The following NRG1 variants were observed in gnomAD, a reference collection of about 807,000 sequenced individuals.
NRG1 encodes the protein neuregulin 1, also known as pro-neuregulin-1, membrane-bound isoform.
In NRG1, 18 loss-of-function variants were observed where a neutral mutation model predicts 63.8. The ratio of observed to expected loss-of-function variants is 0.28; its 90% CI spans 0.19 to 0.42. The LOEUF is 0.42. Among genes scored for constraint, NRG1 ranks in the 10% least tolerant of loss-of-function variants. The pLI, the probability that NRG1 is intolerant of heterozygous loss-of-function variation, is 1.00. For missense variants in NRG1, 762 were observed against 814.7 expected (o/e 0.94, Z 0.79); for synonymous variants, 302 against 301.3 (o/e 1.00, Z -0.02).
At chr8:32,763,773 G>A (rs778211430) in exon 12 of NRG1, 12 of 1,563,220 alleles carry the variant, frequency 7.7e-6, no homozygotes, top group Non-Finnish European at 1.0e-5. Flanking sequence ...GACCACCCCG[G>A]CTCGTATGTC....
At chr8:32,431,185 G>A (rs183235590) in intron 1 of NRG1, among the ~76,000 whole-genome samples, 143 of 152,256 alleles carry the variant, frequency 9.4e-4, no homozygotes, top group African/African-American at 3.4e-3. Context: ...TGATTCTAGA[G>A]CGTATGTTCT....
intron 1 of NRG1, among the ~76,000 whole-genome samples, chr8:32,306,731 G>C (rs548660315): frequency 1.3e-5 from 2 of 152,322 alleles, no homozygotes; most frequent in South Asian, 2.1e-4. Context: ...GGAGGAGAAA[G>C]GTTGCTCCGA....
At chr8:32,544,861 T>C (rs949625393), upstream of NRG1, among the ~76,000 whole-genome samples, 4 of 152,020 alleles carry the variant, frequency 2.6e-5, no homozygotes, top group African/African-American at 9.7e-5. Context: ...GGTGAATGAA[T>C]GAATCATATA....
intron 5 of NRG1, among the ~76,000 whole-genome samples, chr8:32,693,305 G>A (rs566166981): frequency 8.0e-5 from 12 of 149,212 alleles, no homozygotes; most frequent in African/African-American, 2.7e-4. Context: ...TGCAACCTCC[G>A]CCTTCTGGGT....
chr8:31,970,582 G>A (rs906137689), intron 1 of NRG1, among the ~76,000 whole-genome samples: 4 of 152,148 alleles, frequency 2.6e-5, no homozygotes, highest in African/African-American at 9.7e-5. Flanking sequence ...ACCCTGTGCA[G>A]TCAAACTCTC....
intron 11 of NRG1, chr8:32,763,246 A>C: frequency 1.2e-6 from 2 of 1,614,130 alleles, no homozygotes; most frequent in Non-Finnish European, 1.7e-6. Flanking sequence ...GCTAAGGAGA[A>C]ACAAGGCACA....
chr8:32,503,941 T>A (rs1288139225), intron 1 of NRG1, among the ~76,000 whole-genome samples: 2 of 152,120 alleles, frequency 1.3e-5, no homozygotes, highest in Non-Finnish European at 2.9e-5. Context: ...TTCCTTGGGG[T>A]GGGCTGTCCA....
chr8:32,159,540 C>CAAAAAAAAA (rs10684266), intron 1 of NRG1, among the ~76,000 whole-genome samples: 9 of 73,720 alleles, frequency 1.2e-4, no homozygotes, highest in African/African-American at 3.5e-4. Context: ...GACTCCGTCT[C>CAAAAAAAAA]AAAAAAAAAA....
At chr8:32,249,314 C>T (rs1415331823) in intron 1 of NRG1, among the ~76,000 whole-genome samples, 1 of 152,044 alleles carries the variant, frequency 6.6e-6, no homozygotes. Context: ...GACTTCCTTT[C>T]TGAATTACAG....
intron 1 of NRG1, among the ~76,000 whole-genome samples, chr8:32,000,417 C>T (rs1281607174): frequency 6.6e-6 from 1 of 151,720 alleles, no homozygotes. Context: ...CAGGCATGCA[C>T]CACCATGCCT....
chr8:32,013,988 CAT>C (rs1391021820), intron 1 of NRG1, among the ~76,000 whole-genome samples: 8 of 152,092 alleles, frequency 5.3e-5, no homozygotes, highest in African/African-American at 1.9e-4. Flanking sequence ...TTACAGCTGT[CAT>C]AATAAAATCA....
chr8:32,688,943 G>A (rs1220788330), intron 5 of NRG1, among the ~76,000 whole-genome samples: 1 of 152,062 alleles, frequency 6.6e-6, no homozygotes, highest in African/African-American at 2.4e-5. Context: ...CTAGGCTCTG[G>A]TTGGCCTCCT....
chr8:31,885,767 T>A (rs1231859860), intron 1 of NRG1, among the ~76,000 whole-genome samples: 1 of 152,134 alleles, frequency 6.6e-6, no homozygotes, highest in East Asian at 1.9e-4. Flanking sequence ...TGTGTTTTGC[T>A]GCTGAGTTGT....
chr8:32,162,576 A>G (rs1452712625), intron 1 of NRG1, among the ~76,000 whole-genome samples: 2 of 152,220 alleles, frequency 1.3e-5, no homozygotes, highest in African/African-American at 4.8e-5. Context: ...CATAGTAGAG[A>G]TGGCAAGGAA....
chr8:32,275,326 G>A (rs1047312342), intron 1 of NRG1, among the ~76,000 whole-genome samples: 1 of 152,026 alleles, frequency 6.6e-6, no homozygotes, highest in African/African-American at 2.4e-5. Flanking sequence ...CAAAATGCTT[G>A]CTCTCATGAA....
At chr8:32,647,528 G>T (rs1365058260) in intron 5 of NRG1, 7 of 985,334 alleles carry the variant, frequency 7.1e-6, no homozygotes, top group African/African-American at 1.7e-5. Context: ...GATATACTTT[G>T]ATTTTGTAGT....
At chr8:31,795,849 A>G (rs189530981) in intron 1 of NRG1, among the ~76,000 whole-genome samples, 36 of 152,316 alleles carry the variant, frequency 2.4e-4, no homozygotes, top group Middle Eastern at 3.4e-3. Flanking sequence ...AAGCAGATTT[A>G]ATGATTAAAA....
intron 5 of NRG1, among the ~76,000 whole-genome samples, chr8:32,722,862 G>T (rs1160325823): frequency 3.3e-5 from 5 of 152,148 alleles, no homozygotes; most frequent in Non-Finnish European, 7.4e-5. Context: ...TTGACAAGTA[G>T]TTTTGATAAA....
intron 1 of NRG1, among the ~76,000 whole-genome samples, chr8:32,082,806 T>A (rs1367744283): frequency 2.0e-5 from 3 of 152,146 alleles, no homozygotes; most frequent in Non-Finnish European, 4.4e-5. Context: ...AGTAGTTCTA[T>A]GTACAGTCAC....
Sources: gnomAD v4.1 joint callset for allele counts (sites outside exome capture counted in the v4.1 genomes callset) on GRCh38, gnomAD v4.1.1 for gene constraint, MANE v1.5 for transcripts, NCBI Gene and HGNC (gene_info 2026-07-23, HGNC 2026-07-21) for gene names.